The following NELL1 variants were observed in gnomAD, a reference collection of about 807,000 sequenced individuals.
NELL1 encodes protein kinase C-binding protein NELL1.
A neutral mutation model predicts 107.4 loss-of-function variants in NELL1; 76 were observed. The observed-to-expected ratio is 0.71, with a 90% confidence interval of 0.59 to 0.86. The LOEUF (loss-of-function observed/expected upper bound fraction) is 0.86, where lower values mean the gene tolerates loss of function less well. Ranked by LOEUF, NELL1 falls within the 40% of genes least tolerant of loss-of-function variation. The pLI is 0.00. For missense variants in NELL1, 1,024 were observed against 1,005.5 expected (o/e 1.02, Z -0.25); for synonymous variants, 353 against 341.2 (o/e 1.03, Z -0.38).
chr11:20,709,173 G>A (rs918803605), intron 2 of NELL1, among the ~76,000 whole-genome samples: 2 of 151,984 alleles, frequency 1.3e-5, no homozygotes, highest in Non-Finnish European at 2.9e-5. Context: ...TATGGTTTCC[G>A]GTCTTAGATT....
At chr11:20,947,579 C>A in intron 11 of NELL1, 144 bp downstream of exon 11, 1 of 622,792 alleles carries the variant, frequency 1.6e-6, no homozygotes. Flanking sequence ...TCCTATTTAC[C>A]TCTCTCAGTC....
intron 12 of NELL1, among the ~76,000 whole-genome samples, chr11:20,964,188 A>G (rs1388456358): frequency 2.6e-5 from 4 of 151,982 alleles, no homozygotes; most frequent in African/African-American, 7.3e-5. Flanking sequence ...TTTTAATGAC[A>G]TTTTCAACAG....
intron 5 of NELL1, among the ~76,000 whole-genome samples, chr11:20,899,414 G>C (rs1010296318): frequency 2.0e-5 from 3 of 152,062 alleles, no homozygotes; most frequent in Non-Finnish European, 4.4e-5. Context: ...GAAAATAATA[G>C]TATAAGTTAA....
intron 15 of NELL1, among the ~76,000 whole-genome samples, chr11:21,500,163 A>T (rs1317923130): frequency 6.6e-6 from 1 of 152,080 alleles, no homozygotes; most frequent in Admixed American, 6.6e-5. Flanking sequence ...TGACAGAAAA[A>T]TCTTGTCTTC....
intron 12 of NELL1, among the ~76,000 whole-genome samples, chr11:21,003,496 C>G (rs1852267735): frequency 6.6e-6 from 1 of 152,082 alleles, no homozygotes; most frequent in Non-Finnish European, 1.5e-5. Context: ...CTAGTGCAAA[C>G]TCTTTATTTT....
chr11:21,067,681 GAT>G (rs1447923137), intron 12 of NELL1, among the ~76,000 whole-genome samples: 1 of 152,100 alleles, frequency 6.6e-6, no homozygotes, highest in Non-Finnish European at 1.5e-5. Flanking sequence ...CCATGAATAA[GAT>G]ATATTTCTAA....
At chr11:21,441,797 T>G (rs1853292756) in intron 15 of NELL1, among the ~76,000 whole-genome samples, 1 of 152,210 alleles carries the variant, frequency 6.6e-6, no homozygotes, top group Non-Finnish European at 1.5e-5. Context: ...ATTAAATGCC[T>G]TGGCTAAACA....
At chr11:20,830,256 C>CAA (rs1160803427) in intron 3 of NELL1, among the ~76,000 whole-genome samples, 3 of 127,630 alleles carry the variant, frequency 2.4e-5, no homozygotes, top group Admixed American at 8.0e-5. Flanking sequence ...GACACCATCT[C>CAA]AAAAAAAAAA....
Position 21,147,630 on chromosome 11 carries a change from C to T in NELL1, c.1426+33916C>T, listed in dbSNP as rs191116232. ...GGTGGATCACCTGAGGTCAGGAGTT[C>T]GAGACCAGCCTGACCAATATGGAGA... On this transcript the variant is annotated intron_variant, in intron 13 of 19. Transcript: ENST00000357134. Among the ~76,000 whole-genome samples, 199 of 151,840 alleles carry T rather than the reference C, an allele frequency of 1.3e-3. 1 individual carries two copies. Among genetic ancestry groups the T allele is most frequent in the African/African-American group, 4.5e-3 (188 of 41,436 alleles).
intron 12 of NELL1, among the ~76,000 whole-genome samples, chr11:21,012,774 T>C (rs937451579): frequency 3.3e-5 from 5 of 151,936 alleles, no homozygotes; most frequent in African/African-American, 7.2e-5. Flanking sequence ...AGTTCCTGGG[T>C]AGGGGCCACA....
chr11:20,724,121 A>C (rs961355183), intron 2 of NELL1, among the ~76,000 whole-genome samples: 2 of 152,134 alleles, frequency 1.3e-5, no homozygotes, highest in East Asian at 3.9e-4. Flanking sequence ...CTATGAAGCC[A>C]TTTTTCCCTC....
intron 14 of NELL1, among the ~76,000 whole-genome samples, chr11:21,353,340 A>G (rs1850859484): frequency 6.6e-6 from 1 of 152,170 alleles, no homozygotes; most frequent in South Asian, 2.1e-4. Context: ...CTTCATCCCA[A>G]CTTGAAGAAG....
chr11:20,969,651 G>T (rs1200668184), intron 12 of NELL1, among the ~76,000 whole-genome samples: 1 of 147,704 alleles, frequency 6.8e-6, no homozygotes, highest in African/African-American at 2.5e-5. Context: ...ACTCTCAGGG[G>T]AGTGATGTAG....
intron 7 of NELL1, 46 bp downstream of exon 7, chr11:20,919,380 C>A: frequency 2.5e-6 from 3 of 1,212,194 alleles, no homozygotes; most frequent in Non-Finnish European, 3.6e-6. Flanking sequence ...CTTTTTCTGT[C>A]CTATCTGGAA....
intron 3 of NELL1, among the ~76,000 whole-genome samples, chr11:20,792,250 T>G (rs1857089967): frequency 6.6e-6 from 1 of 152,054 alleles, no homozygotes; most frequent in South Asian, 2.1e-4. Context: ...TTGTGTAAGC[T>G]GAAAATATTG....
intron 2 of NELL1, among the ~76,000 whole-genome samples, chr11:20,778,723 T>C (rs1230478613): frequency 6.6e-6 from 1 of 152,136 alleles, no homozygotes; most frequent in Non-Finnish European, 1.5e-5. Context: ...TAAGTGGTTG[T>C]TGTGTGCGAA....
At chr11:21,188,572 G>A (rs1480657135) in intron 13 of NELL1, among the ~76,000 whole-genome samples, 2 of 151,518 alleles carry the variant, frequency 1.3e-5, no homozygotes, top group Non-Finnish European at 2.9e-5. Context: ...AGAAGTGAAG[G>A]AATTGTTGTA....
At chr11:20,875,614 A>C (rs1849289580) in intron 4 of NELL1, among the ~76,000 whole-genome samples, 1 of 152,218 alleles carries the variant, frequency 6.6e-6, no homozygotes, top group Non-Finnish European at 1.5e-5. Flanking sequence ...ACAATGAAGC[A>C]TACTTTCTAT....
intron 13 of NELL1, among the ~76,000 whole-genome samples, chr11:21,199,166 T>C (rs537498681): frequency 6.6e-6 from 1 of 152,330 alleles, no homozygotes; most frequent in Non-Finnish European, 1.5e-5. Context: ...CCTCTTCTTA[T>C]TCTTTCTTTT....
Sources: allele counts gnomAD v4.1 joint callset (sites outside exome capture counted in the v4.1 genomes callset), GRCh38; gene constraint gnomAD v4.1.1; transcripts MANE v1.5; gene names NCBI Gene and HGNC (gene_info 2026-07-23, HGNC 2026-07-21).